CCDC200: variants seen among roughly 807,000 people sequenced by gnomAD.
CCDC200 encodes the protein coiled-coil domain containing 200, also known as coiled-coil domain-containing protein 200.
upstream of CCDC200, among the ~76,000 whole-genome samples, chr17:43,230,678 G>GAA (rs1194184063): frequency 1.4e-4 from 1 of 6,918 alleles, no homozygotes; most frequent in African/African-American, 2.8e-4. Flanking sequence ...CTTTGTCTCT[G>GAA]AAAAAAAAAA....
At chr17:43,223,325 C>T in intron 3 of CCDC200, among the ~76,000 whole-genome samples, 1 of 142,924 alleles carries the variant, frequency 7.0e-6, no homozygotes. Context: ...CCCAAGTAGC[C>T]AAGACTACTG....
rs570476524 is a variant in CCDC200, at chr17:43,226,923, A to G, written c.105+1527T>C. 1.1e-4 allele frequency among the ~76,000 whole-genome samples: 16 copies of G among 152,304 alleles called. No homozygotes were observed. The South Asian group carries it at 3.1e-3, about 30-fold the overall frequency. ...TGTACATATCCAAATTGTCCCAAACATGCTTAAAATTTTTCCAGTATGTAT... is the reference window on the plus strand; with the variant it reads ...TGTACATATCCAAATTGTCCCAAACGTGCTTAAAATTTTTCCAGTATGTAT... On this transcript the variant is annotated intron_variant, in intron 1 of 3. Transcript: ENST00000636331.
chr17:43,231,269 T>A (rs2057594513), upstream of CCDC200, among the ~76,000 whole-genome samples: 2 of 135,682 alleles, frequency 1.5e-5, no homozygotes, highest in African/African-American at 5.0e-5. Flanking sequence ...TTGCAGATGT[T>A]TCCTGGGAGC....
intron 1 of CCDC200, among the ~76,000 whole-genome samples, chr17:43,227,613 G>C (rs1261219400): frequency 6.6e-6 from 1 of 151,744 alleles, no homozygotes; most frequent in Non-Finnish European, 1.5e-5. Context: ...GTCTCCCCAG[G>C]TAGCTGGAAT....
rs541710672 is a variant in CCDC200 at position 43,226,478 on chromosome 17, C to G, written c.106-1929G>C. On this transcript the variant is annotated intron_variant, in intron 1 of 3. Coordinates refer to ENST00000636331, the MANE Select transcript of CCDC200 (RefSeq NM_001363254.2). ...CGTGATCACAAGGCTTACCGTAGCC[C>G]TTGACCTCCCAGGCTCAAGTGATTC... The G allele has an allele frequency of 1.1e-4, 16 of 152,298 alleles. No homozygotes were observed. The East Asian group carries it at 2.7e-3, about 26-fold the overall frequency. The allele number at this position is 152,298 out of a possible 1,614,324, so 9.4% of individuals were successfully genotyped here.
At chr17:43,226,544 C>T (rs1009927942) in intron 1 of CCDC200, among the ~76,000 whole-genome samples, 9 of 152,186 alleles carry the variant, frequency 5.9e-5, no homozygotes, top group South Asian at 4.1e-4. Flanking sequence ...TATGGGTGCA[C>T]ACTACCATGC....
intron 1 of CCDC200, among the ~76,000 whole-genome samples, chr17:43,225,400 C>T (rs1459282296): frequency 1.3e-5 from 2 of 151,360 alleles, no homozygotes; most frequent in African/African-American, 4.8e-5. Context: ...CGCGGTGGCT[C>T]ACGCCTGTCA....
intron 3 of CCDC200, among the ~76,000 whole-genome samples, chr17:43,223,333 C>T (rs1162191284): frequency 6.9e-6 from 1 of 144,026 alleles, no homozygotes; most frequent in Non-Finnish European, 1.5e-5. Context: ...GCCAAGACTA[C>T]TGCACCCAGC....
chr17:43,225,153 C>G (rs2057558419), intron 1 of CCDC200, among the ~76,000 whole-genome samples: 1 of 152,090 alleles, frequency 6.6e-6, no homozygotes, highest in African/African-American at 2.4e-5. Context: ...TCCACCTCAG[C>G]CTCCTGAGCA....
chr17:43,223,233 TCAA>T (rs1408319136), intron 3 of CCDC200, among the ~76,000 whole-genome samples: 5 of 117,824 alleles, frequency 4.2e-5, no homozygotes, highest in East Asian at 2.3e-4. Context: ...TCAATTTTTT[TCAA>T]TTTTTTTCAA....
At chr17:43,222,805 C>A (rs1388372791) in intron 3 of CCDC200, among the ~76,000 whole-genome samples, 1 of 142,472 alleles carries the variant, frequency 7.0e-6, no homozygotes. Flanking sequence ...AAGTCTCGCT[C>A]TGTCACCAGG....
At position 43,224,221 on chromosome 17, in the gene CCDC200, G is replaced by A. The variant is rs2057552358; in HGVS notation, c.421+13C>T. On this transcript the variant is annotated intron_variant, in intron 2 of 3. Coordinates refer to ENST00000636331, the MANE Select transcript of CCDC200 (RefSeq NM_001363254.2). ...TCCAGCTTAGTAGATCCCCGCTGAAGTAGGCTGGTGACCTGGCCTTTGGGA... is the reference window on the plus strand; with the variant it reads ...TCCAGCTTAGTAGATCCCCGCTGAAATAGGCTGGTGACCTGGCCTTTGGGA... 6.5e-6 allele frequency: 1 copy of A among 153,274 alleles called. No homozygotes were observed. Among genetic ancestry groups the A allele is most frequent in the South Asian group, 2.0e-4 (1 of 5,048 alleles). 9.5% of individuals were successfully genotyped at this position (153,274 alleles called of 1,614,324 possible). A position where few individuals can be genotyped will look rare whatever the true frequency, so the allele number is the denominator to read the frequency against.
At chr17:43,222,271 T>C (rs2057538463) in intron 3 of CCDC200, among the ~76,000 whole-genome samples, 1 of 151,852 alleles carries the variant, frequency 6.6e-6, no homozygotes, top group South Asian at 2.1e-4. Context: ...GGTCAAGTGA[T>C]TCTCCTGCCT....
chr17:43,221,835 G>A (rs768803194), intron 3 of CCDC200, among the ~76,000 whole-genome samples: 9 of 152,066 alleles, frequency 5.9e-5, no homozygotes, highest in South Asian at 2.1e-4. Flanking sequence ...CAGGCCAGGC[G>A]TGGTGGCTCA....
intron 1 of CCDC200, among the ~76,000 whole-genome samples, chr17:43,226,584 C>T (rs890810375): frequency 1.3e-5 from 2 of 151,876 alleles, no homozygotes; most frequent in African/African-American, 2.4e-5. Context: ...GTTTTAGAGA[C>T]GGATTTCACC....
At chr17:43,221,689 G>A (rs1246805125) in intron 3 of CCDC200, 92 bp from the exon 4 acceptor site, 1 of 152,646 alleles carries the variant, frequency 6.6e-6, no homozygotes, top group Admixed American at 6.5e-5. Context: ...AGGAATCAAA[G>A]TGAAATGTAG....
intron 1 of CCDC200, among the ~76,000 whole-genome samples, chr17:43,226,830 G>C (rs2057572667): frequency 6.6e-6 from 1 of 151,956 alleles, no homozygotes; most frequent in Non-Finnish European, 1.5e-5. Flanking sequence ...TCTTAATTTG[G>C]ACACTAAATT....
chr17:43,222,665 A>G (rs2057540912), intron 3 of CCDC200, among the ~76,000 whole-genome samples: 1 of 148,516 alleles, frequency 6.7e-6, no homozygotes, highest in Non-Finnish European at 1.5e-5. Flanking sequence ...ATCACCACTT[A>G]CGGCAGCCTC....
At chr17:43,223,027 A>C (rs969656901) in intron 3 of CCDC200, among the ~76,000 whole-genome samples, 2 of 151,802 alleles carry the variant, frequency 1.3e-5, no homozygotes, top group Non-Finnish European at 2.9e-5. Context: ...TCAGCCCCTC[A>C]AAGTGCTGGG....
Sources: allele counts gnomAD v4.1 joint callset (sites outside exome capture counted in the v4.1 genomes callset), GRCh38; gene constraint gnomAD v4.1.1; transcripts MANE v1.5; gene names NCBI Gene and HGNC (gene_info 2026-07-23, HGNC 2026-07-21).